STAP2: variants seen among roughly 807,000 people sequenced by gnomAD.
The protein encoded by STAP2 is signal-transducing adaptor protein 2.
STAP2 carries 58 observed loss-of-function variants against 52.7 expected under a neutral mutation model. The ratio of observed to expected loss-of-function variants is 1.10; its 90% CI spans 0.89 to 1.37. The LOEUF is 1.37. Among genes scored for constraint, STAP2 ranks in the 40% most tolerant of loss-of-function variants. The probability of loss-of-function intolerance (pLI) is 0.00; values close to 1 mark genes in which losing one functional copy is unlikely to be tolerated. For missense variants in STAP2, 522 were observed against 519.4 expected, an observed-to-expected ratio of 1.00 and a Z score of -0.05; for synonymous variants, 231 against 210.5, an observed-to-expected ratio of 1.10 and a Z score of -0.84.
intron 1 of STAP2, 51 bp from the exon 2 acceptor site, chr19:4,334,095 C>T: frequency 6.7e-7 from 1 of 1,490,540 alleles, no homozygotes; most frequent in Admixed American, 1.9e-5. Flanking sequence ...AGCTGAGTGC[C>T]TTTCATGTAC....
At chr19:4,326,853 A>C in intron 9 of STAP2, 89 bp downstream of exon 9, 2 of 1,450,080 alleles carry the variant, frequency 1.4e-6, no homozygotes, top group Admixed American at 2.0e-5. Flanking sequence ...CAGATGCAGG[A>C]GGTGCAGCCA....
intron 1 of STAP2, among the ~76,000 whole-genome samples, chr19:4,334,875 ATCCATCCACCTAC>A (rs1236946744): frequency 5.3e-5 from 6 of 113,612 alleles, no homozygotes; most frequent in South Asian, 3.3e-4. Context: ...GCATCCCTCC[ATCCATCCACCTAC>A]TCATCCATCC....
chr19:4,332,653 G>T (rs11673317), intron 3 of STAP2, among the ~76,000 whole-genome samples: 3 of 150,872 alleles, frequency 2.0e-5, no homozygotes, highest in East Asian at 4.0e-4. Context: ...GACCAGACTG[G>T]GTAACATAGC....
chr19:4,328,619 G>GC, intron 6 of STAP2, 56 bp downstream of exon 6: 5 of 1,533,008 alleles, frequency 3.3e-6, no homozygotes, highest in Admixed American at 2.0e-5. Flanking sequence ...ACGCCCCCGC[G>GC]CCCACCCTCT....
chr19:4,332,932 G>A (rs1971917108), intron 3 of STAP2, among the ~76,000 whole-genome samples: 1 of 152,178 alleles, frequency 6.6e-6, no homozygotes, highest in African/African-American at 2.4e-5. Flanking sequence ...ACTCATGCCT[G>A]TAATCCCAGC....
chr19:4,325,832 G>A (rs955577159), intron 9 of STAP2, among the ~76,000 whole-genome samples: 2 of 152,234 alleles, frequency 1.3e-5, no homozygotes, highest in East Asian at 3.9e-4. Context: ...TTAGCTTGGC[G>A]TGGTGGCAGG....
intron 4 of STAP2, among the ~76,000 whole-genome samples, chr19:4,331,005 G>A (rs1971881537): frequency 6.9e-6 from 1 of 145,040 alleles, no homozygotes. Flanking sequence ...GAGCCACCAC[G>A]CCTGGCCAAT....
chr19:4,330,868 C>A (rs1971878771), intron 4 of STAP2, among the ~76,000 whole-genome samples: 1 of 151,780 alleles, frequency 6.6e-6, no homozygotes. Flanking sequence ...GCTCCCGCCA[C>A]CACGCCCAGC....
In STAP2 at chr19:4,325,251, G is replaced by A. The variant is rs138002546; in HGVS notation, c.1037C>T (p.Ala346Val). ...LKPKKLPKPP[A>V]KLPKPPVGPK... ...TCCAACGGGTGGCTTTGGAAGCTTG[G>A]CAGGAGGCTTTGGCAACTTCTTTGG... Residue 346 changes from alanine to valine, a missense_variant, in exon 11 of 13, where the codon GCC (alanine) becomes GTC (valine). Physicochemically the swap from Ala to Val is moderately conservative, Grantham distance 64. Transcript: ENST00000594605. 1 of 1,607,362 alleles carries A rather than the reference G, an allele frequency of 6.2e-7. No homozygotes were observed. Among genetic ancestry groups the A allele is most frequent in the Admixed American group, 1.7e-5 (1 of 58,828 alleles).
In STAP2 at chr19:4,332,095, A is replaced by G. The variant is rs2077571849; in HGVS notation, c.298-17T>C. On this transcript the variant is annotated splice_polypyrimidine_tract_variant and intron_variant, in intron 3 of 12. Transcript: ENST00000594605. ...GGTCTCTACCTGGGGAACAAAAGAA[A>G]GGAAAGAATCCAAGTCAGTGAGCCT... is the stretch of plus-strand genomic sequence containing the variant. The G allele has an allele frequency of 6.2e-7, 1 of 1,607,272 alleles. No individual in the cohort carries two copies. Among genetic ancestry groups the G allele is most frequent in the Non-Finnish European group, 8.5e-7 (1 of 1,177,996 alleles).
At chr19:4,325,926 G>A (rs925326550) in intron 9 of STAP2, among the ~76,000 whole-genome samples, 3 of 151,186 alleles carry the variant, frequency 2.0e-5, no homozygotes, top group Admixed American at 1.3e-4. Flanking sequence ...CCGAGATTGC[G>A]CCACTGCACT....
chr19:4,333,715 C>T lies in STAP2; in HGVS notation c.276G>A (p.Arg92=). ...DPGTHFSLIL[R]DQEIKFKVET... ...CTACCTTGAACTTGATCTCCTGATCCCGGAGAATCAGGCTGAAGTGGGTGC... is the reference window on the plus strand; with the variant it reads ...CTACCTTGAACTTGATCTCCTGATCTCGGAGAATCAGGCTGAAGTGGGTGC... The change falls in exon 3 of 13, where the codon CGG becomes CGA. Residue 92 remains arginine (R), a synonymous_variant. Transcript: ENST00000594605. The T allele has an allele frequency of 1.2e-6, 2 of 1,612,604 alleles. No individual in the cohort carries two copies. Among genetic ancestry groups the T allele is most frequent in the Non-Finnish European group, 1.7e-6 (2 of 1,179,904 alleles).
chr19:4,327,241 G>A lies in STAP2; in HGVS notation c.661-15C>T, dbSNP rs1568385136. On this transcript the variant is annotated splice_polypyrimidine_tract_variant and intron_variant, in intron 7 of 12. Transcript: ENST00000594605. Reference sequence around the variant, plus strand: ...GTGCAAGAGAACTGGGGGCAGATGGGGGAGCGGTCAGGCTGCTGGAGAAGG... The same window carrying A: ...GTGCAAGAGAACTGGGGGCAGATGGAGGAGCGGTCAGGCTGCTGGAGAAGG... 1.2e-6 allele frequency: 2 copies of A among 1,613,956 alleles called. No homozygotes were observed. Among genetic ancestry groups the A allele is most frequent in the Non-Finnish European group, 8.5e-7 (1 of 1,179,952 alleles).
intron 5 of STAP2, among the ~76,000 whole-genome samples, chr19:4,329,179 G>A (rs1290136772): frequency 6.6e-6 from 1 of 151,874 alleles, no homozygotes; most frequent in Admixed American, 6.6e-5. Flanking sequence ...TGGTCAGGCT[G>A]GTCTCAAACT....
intron 3 of STAP2, among the ~76,000 whole-genome samples, chr19:4,332,735 G>A (rs1309112501): frequency 6.6e-6 from 1 of 151,844 alleles, no homozygotes; most frequent in African/African-American, 2.4e-5. Flanking sequence ...GAGGTAGGAG[G>A]ATCGATCGCT....
chr19:4,325,464 G>A lies in STAP2; in HGVS notation c.911C>T (p.Pro304Leu), dbSNP rs150792236. ...GGTCACGTAGTTCTCTTCCTGGTTC[G>A]GTAGTGGGGGCAGTGGGGGCAGCTT... ...QDKLPPLPPL[P>L]NQEENYVTPI... Residue 304 changes from proline (P) to leucine (L), a missense_variant, in exon 10 of 13, where the codon CCG becomes CTG. By Grantham distance (98) the Pro-to-Leu change is moderately conservative (BLOSUM62 -3). Coordinates refer to ENST00000594605, the MANE Select transcript of STAP2 (RefSeq NM_001013841.2). 44 of 1,613,784 alleles carry A rather than the reference G, an allele frequency of 2.7e-5. No individual in the cohort carries two copies. Among genetic ancestry groups the A allele is most frequent in the African/African-American group, 1.5e-4 (11 of 74,932 alleles).
intron 3 of STAP2, 116 bp from the exon 4 acceptor site, chr19:4,332,194 T>TTA: frequency 6.4e-6 from 3 of 468,602 alleles, no homozygotes; most frequent in Non-Finnish European, 9.7e-6. Flanking sequence ...TTTCTTTTTC[T>TTA]TCTTTTTTTT....
chr19:4,335,349 CATCT>C (rs1971965239), intron 1 of STAP2, among the ~76,000 whole-genome samples: 2 of 151,852 alleles, frequency 1.3e-5, no homozygotes, highest in East Asian at 1.9e-4. Flanking sequence ...CCTATTCATC[CATCT>C]ATCATTCATC....
At position 4,325,190 on chromosome 19, in the gene STAP2, G is replaced by T. The variant is rs1229615834; in HGVS notation, c.1072+26C>A. 3 of 1,554,424 alleles carry T rather than the reference G, an allele frequency of 1.9e-6. No homozygotes were observed. In the African/African-American group the frequency reaches 4.1e-5, roughly 21 times the overall value. ...CTGAGGCTGGCCTGCCATCAGGTGA[G>T]GGTGGGATATGGGGGGGACCCCAAC... On this transcript the variant is annotated intron_variant, in intron 11 of 12. Coordinates refer to ENST00000594605, the MANE Select transcript of STAP2 (RefSeq NM_001013841.2).
Sources: gnomAD v4.1 joint callset for allele counts (sites outside exome capture counted in the v4.1 genomes callset) on GRCh38, gnomAD v4.1.1 for gene constraint, MANE v1.5 for transcripts, NCBI Gene and HGNC (gene_info 2026-07-23, HGNC 2026-07-21) for gene names.